Variants in NOS2 observed in about 807,000 individuals in gnomAD.
NOS2 encodes the protein nitric oxide synthase 2.
Under a neutral mutation model 136.0 loss-of-function variants are expected in NOS2, and 96 were observed. That is an observed-to-expected ratio of 0.71 (90% CI 0.60 to 0.84). The LOEUF (loss-of-function observed/expected upper bound fraction) is 0.84, where lower values mean the gene tolerates loss of function less well. Ranked by LOEUF, NOS2 falls within the 40% of genes least tolerant of loss-of-function variation. The pLI, the probability that NOS2 is intolerant of heterozygous loss-of-function variation, is 0.00. For missense variants in NOS2, 1,237 were observed against 1,496.9 expected, an observed-to-expected ratio of 0.83 and a Z score of 2.87; for synonymous variants, 539 against 587.5, an observed-to-expected ratio of 0.92 and a Z score of 1.20.
intron 7 of NOS2, 73 bp downstream of exon 7, chr17:27,781,942 A>T: frequency 7.6e-7 from 1 of 1,319,454 alleles, no homozygotes; most frequent in Non-Finnish European, 1.1e-6. Context: ...CCCTAGACCC[A>T]AGTGCTGCAT....
Position 27,760,043 on chromosome 17 carries a change from G to C in NOS2, c.3146C>G (p.Pro1049Arg). ...GGCTGCATTTACCTTGGGCTTGCCAGGCAGGCGGGAATAGGCTGTGTGCAC... is the reference window on the plus strand; with the variant it reads ...GGCTGCATTTACCTTGGGCTTGCCACGCAGGCGGGAATAGGCTGTGTGCAC... ...HAVHTAYSRL[P>R]GKPKVYVQDI... The change falls in exon 25 of 27, where the codon CCT becomes CGT. Residue 1049 changes from proline (P) to arginine (R), a missense_variant. By Grantham distance (103) the Pro-to-Arg change is moderately radical (BLOSUM62 -2). Around this residue, in one of 3 missense-constraint regions of NOS2, gnomAD observed 782 missense variants for 909.9 expected, o/e 0.86. Coordinates refer to ENST00000313735, the MANE Select transcript of NOS2 (RefSeq NM_000625.4). 4 of 1,537,746 alleles carry C rather than the reference G, an allele frequency of 2.6e-6. No homozygotes were observed. The highest frequency in any genetic ancestry group is 3.5e-6 in the Non-Finnish European group (4 of 1,144,450).
At position 27,762,973 on chromosome 17, in the gene NOS2, G is replaced by A. The variant is rs1258749905; in HGVS notation, c.2625C>T (p.Asn875=). 1.9e-6 allele frequency: 3 copies of A among 1,605,050 alleles called. No homozygotes were observed. In the African/African-American group the frequency reaches 4.0e-5, roughly 21 times the overall value. Residue 875 remains asparagine, a synonymous_variant, in exon 22 of 27, where the codon AAC becomes AAT. Coordinates refer to ENST00000313735, the MANE Select transcript of NOS2 (RefSeq NM_000625.4). ...CTAGCACCTCCAGGAATGTGGGGCT[G>A]TTGGTGAACTTCCACTTGCTGTACT... ...PSEYSKWKFT[N]SPTFLEVLEE...
Position 27,770,910 on chromosome 17 carries a change from C to T in NOS2, c.1809+3G>A. On this transcript the variant is annotated splice_donor_region_variant and intron_variant, in intron 15 of 26. Transcript: ENST00000313735. ...TAGACCAGCCAGACCTCAAGCCACCCACCTCTCCATTGCCAGGGCAGTCTC... is the reference window on the plus strand; with the variant it reads ...TAGACCAGCCAGACCTCAAGCCACCTACCTCTCCATTGCCAGGGCAGTCTC... The T allele has an allele frequency of 1.2e-6, 2 of 1,612,004 alleles. No homozygotes were observed. Among genetic ancestry groups the T allele is most frequent in the Non-Finnish European group, 1.7e-6 (2 of 1,178,258 alleles).
chr17:27,797,160 T>C (rs1909378676), intron 2 of NOS2, among the ~76,000 whole-genome samples: 1 of 152,214 alleles, frequency 6.6e-6, no homozygotes, highest in Non-Finnish European at 1.5e-5. Context: ...ATGTCCTTGC[T>C]ACTCCTCTGC....
chr17:27,757,693 G>A (rs1360500302), intron 26 of NOS2, among the ~76,000 whole-genome samples: 3 of 152,212 alleles, frequency 2.0e-5, no homozygotes, highest in African/African-American at 7.2e-5. Context: ...CTGATGAACA[G>A]CAGCATACTG....
At chr17:27,781,249 A>G in intron 7 of NOS2, 72 bp from the exon 8 acceptor site, 1 of 1,495,818 alleles carries the variant, frequency 6.7e-7, no homozygotes, top group Non-Finnish European at 9.0e-7. Context: ...CACTGGCCCT[A>G]CCTCCCTCTC....
At chr17:27,773,806 A>C (rs28999400) in intron 12 of NOS2, among the ~76,000 whole-genome samples, 1,754 of 152,306 alleles carry the variant, frequency 0.012, 29 homozygotes, top group African/African-American at 0.04. Context: ...TCCATACACC[A>C]GCTTTGTGAT....
At position 27,772,380 on chromosome 17, in the gene NOS2, C is replaced by T. The variant is rs775135778; in HGVS notation, c.1632G>A (p.Ala544=). 5.0e-6 allele frequency: 8 copies of T among 1,614,110 alleles called. No individual in the cohort carries two copies. Among genetic ancestry groups the T allele is most frequent in the Non-Finnish European group, 5.9e-6 (7 of 1,180,038 alleles). Residue 544 remains alanine (A), a synonymous_variant, in exon 14 of 27, where the codon GCG becomes GCA. Transcript: ENST00000313735. ...ASRVRVTILF[A]TETGKSEALA... ...GCGCCTCTGATTTTCCTGTCTCTGTCGCAAAGAGGATGGTGACTCTGACTC... is the reference window on the plus strand; with the variant it reads ...GCGCCTCTGATTTTCCTGTCTCTGTTGCAAAGAGGATGGTGACTCTGACTC...
intron 1 of NOS2, among the ~76,000 whole-genome samples, chr17:27,799,166 G>A (rs1034543983): frequency 1.3e-5 from 2 of 152,144 alleles, no homozygotes; most frequent in African/African-American, 2.4e-5. Flanking sequence ...CCTCCTTAGC[G>A]GGACCTGCTG....
intron 9 of NOS2, 109 bp from the exon 10 acceptor site, chr17:27,779,165 T>A: frequency 1.3e-6 from 1 of 797,858 alleles, no homozygotes. Context: ...TGGAGTGCAG[T>A]GCAGTGGCAC....
chr17:27,799,549 T>A (rs1001513206), intron 1 of NOS2, among the ~76,000 whole-genome samples: 2 of 152,128 alleles, frequency 1.3e-5, no homozygotes, highest in Admixed American at 1.3e-4. Context: ...ATATAGTCCA[T>A]GTAAGAATTT....
intron 4 of NOS2, 134 bp downstream of exon 4, chr17:27,788,675 C>T (rs1291999660): frequency 2.8e-6 from 3 of 1,068,724 alleles, no homozygotes; most frequent in Non-Finnish European, 3.9e-6. Flanking sequence ...TGAGGAATGT[C>T]TCTGTTCCTA....
At position 27,759,632 on chromosome 17, in the gene NOS2, G is replaced by T. The variant is rs894167318; in HGVS notation, c.3159+398C>A. Among the ~76,000 whole-genome samples the T allele has an allele frequency of 8.9e-4, 135 of 152,124 alleles. 2 individuals are homozygous for T. Among genetic ancestry groups the T allele is most frequent in the Non-Finnish European group, 7.4e-5 (5 of 68,012 alleles). On this transcript the variant is annotated intron_variant, in intron 25 of 26. Transcript: ENST00000313735. ...AGTCTATTCTGACACCCCAGGCTCA[G>T]GGGGTAACGCGGCCCTGGGGACAGA... is the stretch of plus-strand genomic sequence containing the variant.
chr17:27,789,537 G>T, intron 3 of NOS2, 67 bp downstream of exon 3: 1 of 1,241,240 alleles, frequency 8.1e-7, no homozygotes, highest in South Asian at 1.2e-5. Context: ...GCTCTAACAG[G>T]CTGCTATGTC....
chr17:27,762,657 C>T, intron 22 of NOS2, 141 bp downstream of exon 22: 1 of 626,780 alleles, frequency 1.6e-6, no homozygotes. Flanking sequence ...CTCCCACACA[C>T]CTCCTAATAC....
chr17:27,775,782 TC>T (rs1038337133), intron 11 of NOS2, among the ~76,000 whole-genome samples: 53 of 151,550 alleles, frequency 3.5e-4, no homozygotes, highest in Admixed American at 3.3e-4. Flanking sequence ...AGACCTTGTC[TC>T]CAAAAAAAAA....
chr17:27,782,123 A>C lies in NOS2; in HGVS notation c.631-17T>G. Reference sequence around the variant, plus strand: ...ATCGAAGACCTGCAACAGCCCATCCAGACCATGCCCATCAAAGACTGGGTA... The same window carrying C: ...ATCGAAGACCTGCAACAGCCCATCCCGACCATGCCCATCAAAGACTGGGTA... On this transcript the variant is annotated splice_polypyrimidine_tract_variant and intron_variant, in intron 6 of 26. Transcript: ENST00000313735. 6.2e-7 allele frequency: 1 copy of C among 1,612,416 alleles called. No individual in the cohort carries two copies. Among genetic ancestry groups the C allele is most frequent in the Non-Finnish European group, 8.5e-7 (1 of 1,178,984 alleles).
intron 14 of NOS2, 34 bp from the exon 15 acceptor site, chr17:27,771,051 C>T (rs536478370): frequency 1.3e-6 from 2 of 1,528,386 alleles, no homozygotes; most frequent in Middle Eastern, 1.7e-4. Context: ...CAGCCCTCGG[C>T]TCCCAGTAGG....
intron 5 of NOS2, among the ~76,000 whole-genome samples, chr17:27,787,121 C>T (rs887602011): frequency 1.3e-5 from 2 of 152,220 alleles, no homozygotes; most frequent in East Asian, 3.8e-4. Flanking sequence ...AGTCAGGTGG[C>T]CTGGCTTCTA....
Sources: allele counts gnomAD v4.1 joint callset (sites outside exome capture counted in the v4.1 genomes callset), GRCh38; gene constraint gnomAD v4.1.1; regional missense constraint gnomAD v4.1.1; transcripts MANE v1.5; gene names NCBI Gene and HGNC (gene_info 2026-07-23, HGNC 2026-07-21).